SLIT2: variants seen among roughly 807,000 people sequenced by gnomAD.
SLIT2 encodes the protein slit guidance ligand 2.
In SLIT2, 41 loss-of-function variants were observed where a neutral mutation model predicts 185.7. The ratio of observed to expected loss-of-function variants is 0.22; its 90% confidence interval spans 0.17 to 0.29. The LOEUF (loss-of-function observed/expected upper bound fraction) is 0.29, where lower values mean the gene tolerates loss of function less well. SLIT2 is among the 10% of genes least tolerant of loss of function. The probability of loss-of-function intolerance (pLI) is 1.00; values close to 1 mark genes in which losing one functional copy is unlikely to be tolerated. For missense variants in SLIT2, 1,571 were observed against 1,909.0 expected (o/e 0.82, Z 3.30); for synonymous variants, 693 against 680.2 (o/e 1.02, Z -0.29).
At chr4:20,374,506 C>G (rs1723855872) in intron 4 of SLIT2, among the ~76,000 whole-genome samples, 1 of 152,054 alleles carries the variant, frequency 6.6e-6, no homozygotes, top group Non-Finnish European at 1.5e-5. Flanking sequence ...TCTTTGTTGT[C>G]TGAGACTCAA....
intron 28 of SLIT2, 91 bp from the exon 29 acceptor site, chr4:20,568,774 G>T: frequency 1.8e-6 from 2 of 1,110,244 alleles, no homozygotes. Flanking sequence ...TATGGTTGAT[G>T]AGTGTAATTA....
chr4:20,556,665 C>G (rs527830005), intron 26 of SLIT2, among the ~76,000 whole-genome samples: 1 of 152,014 alleles, frequency 6.6e-6, no homozygotes, highest in East Asian at 1.9e-4. Context: ...ACAGTGGTCT[C>G]TAAGTGTTCA....
At chr4:20,390,361 G>A (rs1007838493) in intron 4 of SLIT2, among the ~76,000 whole-genome samples, 2 of 152,074 alleles carry the variant, frequency 1.3e-5, no homozygotes, top group Admixed American at 6.6e-5. Flanking sequence ...ACAAACATGC[G>A]TGAGGCAAGT....
At chr4:20,556,090 G>A (rs1046230401) in intron 26 of SLIT2, among the ~76,000 whole-genome samples, 6 of 152,006 alleles carry the variant, frequency 3.9e-5, no homozygotes, top group African/African-American at 7.3e-5. Flanking sequence ...AGTTGAAAGT[G>A]AAATTTTATT....
chr4:20,371,395 C>T (rs1259438061), intron 4 of SLIT2, among the ~76,000 whole-genome samples: 2 of 152,020 alleles, frequency 1.3e-5, no homozygotes, highest in Admixed American at 6.6e-5. Flanking sequence ...TGTATTATTA[C>T]AACAAAACAG....
intron 4 of SLIT2, among the ~76,000 whole-genome samples, chr4:20,420,455 T>C (rs557713654): frequency 5.9e-5 from 9 of 152,316 alleles, no homozygotes; most frequent in Non-Finnish European, 1.2e-4. Flanking sequence ...TGTGCCCTCA[T>C]GGTCCTTCAA....
intron 4 of SLIT2, among the ~76,000 whole-genome samples, chr4:20,282,141 T>A (rs143726830): frequency 6.6e-6 from 1 of 152,210 alleles, no homozygotes; most frequent in African/African-American, 2.4e-5. Flanking sequence ...AATTGATTTT[T>A]ATTCAGATGG....
At chr4:20,603,193 A>T (rs958063245) in intron 33 of SLIT2, among the ~76,000 whole-genome samples, 1 of 152,204 alleles carries the variant, frequency 6.6e-6, no homozygotes, top group African/African-American at 2.4e-5. Context: ...ACAAGAGAGA[A>T]TTGAGAACTA....
rs1712800612 is a variant in SLIT2 at position 20,454,288 on chromosome 4, A to AT, written c.396-13457dup. On this transcript the variant is annotated intron_variant, in intron 4 of 36. Transcript: ENST00000504154. ...AATATCTCTCTTTTATGTGAAACTCATTTTTTTCTAACACATACTGTTATT... is the reference window on the plus strand; with the variant it reads ...AATATCTCTCTTTTATGTGAAACTCATTTTTTTTCTAACACATACTGTTATT... Among the ~76,000 whole-genome samples, 3 of 152,198 alleles carry AT rather than the reference A, an allele frequency of 2.0e-5. No homozygotes were observed. The South Asian group carries it at 6.2e-4, about 32-fold the overall frequency.
intron 12 of SLIT2, among the ~76,000 whole-genome samples, chr4:20,522,490 A>C (rs531422878): frequency 6.6e-6 from 1 of 152,340 alleles, no homozygotes; most frequent in East Asian, 1.9e-4. Flanking sequence ...GCATGGAATG[A>C]CATTTTGAGG....
chr4:20,516,380 T>C (rs1037125368), intron 11 of SLIT2, among the ~76,000 whole-genome samples: 17 of 152,210 alleles, frequency 1.1e-4, no homozygotes, highest in Admixed American at 2.6e-4. Context: ...CTATGTGGTA[T>C]GCTGAACATA....
chr4:20,296,361 G>A (rs1318583049), intron 4 of SLIT2, among the ~76,000 whole-genome samples: 1 of 152,170 alleles, frequency 6.6e-6, no homozygotes, highest in Admixed American at 6.5e-5. Flanking sequence ...TTACACAAAA[G>A]TTACCATGGC....
At chr4:20,572,174 T>C (rs1725661019) in intron 29 of SLIT2, among the ~76,000 whole-genome samples, 1 of 152,198 alleles carries the variant, frequency 6.6e-6, no homozygotes, top group Admixed American at 6.5e-5. Flanking sequence ...GTACTGTTTT[T>C]CTGTTATTTA....
chr4:20,449,998 A>C (rs531362297), intron 4 of SLIT2, among the ~76,000 whole-genome samples: 2 of 152,300 alleles, frequency 1.3e-5, no homozygotes, highest in African/African-American at 4.8e-5. Context: ...ATTATTTAAA[A>C]CATCTAACTT....
intron 4 of SLIT2, among the ~76,000 whole-genome samples, chr4:20,322,639 A>G (rs529544720): frequency 6.6e-6 from 1 of 152,170 alleles, no homozygotes; most frequent in Non-Finnish European, 1.5e-5. Flanking sequence ...TATAGTATTT[A>G]TACAATAGCA....
intron 4 of SLIT2, 145 bp downstream of exon 4, chr4:20,269,026 A>AT (rs1713325878): frequency 1.7e-6 from 1 of 604,394 alleles, no homozygotes; most frequent in Admixed American, 3.0e-5. Context: ...TCTTTAGGAA[A>AT]TTTATGATTT....
intron 30 of SLIT2, among the ~76,000 whole-genome samples, chr4:20,593,346 A>G (rs1448107971): frequency 6.6e-6 from 1 of 152,172 alleles, no homozygotes; most frequent in Non-Finnish European, 1.5e-5. Flanking sequence ...AGTATTATAT[A>G]TACTTTATGC....
intron 5 of SLIT2, among the ~76,000 whole-genome samples, chr4:20,479,535 T>G (rs951499867): frequency 3.9e-5 from 6 of 152,102 alleles, no homozygotes. Flanking sequence ...AAACATTTTG[T>G]TTCTATCTCA....
At chr4:20,564,042 G>A (rs1724899693) in intron 26 of SLIT2, among the ~76,000 whole-genome samples, 1 of 151,804 alleles carries the variant, frequency 6.6e-6, no homozygotes. Context: ...ATTCTGCCAA[G>A]TGTTGGCTTG....
Sources: allele counts gnomAD v4.1 joint callset (sites outside exome capture counted in the v4.1 genomes callset), GRCh38; gene constraint gnomAD v4.1.1; transcripts MANE v1.5; gene names NCBI Gene and HGNC (gene_info 2026-07-23, HGNC 2026-07-21).